MAST1: variants seen among roughly 807,000 people sequenced by gnomAD.
MAST1 encodes microtubule-associated serine/threonine-protein kinase 1.
A neutral mutation model predicts 124.6 loss-of-function variants in MAST1; 40 were observed. The ratio of observed to expected loss-of-function variants is 0.32; its 90% confidence interval spans 0.25 to 0.42. MAST1 has a LOEUF of 0.42. MAST1 is among the 10% of genes least tolerant of loss of function. The probability of loss-of-function intolerance (pLI) is 1.00; values close to 1 mark genes in which losing one functional copy is unlikely to be tolerated. For missense variants in MAST1, 1,558 were observed against 2,181.9 expected (o/e 0.71, Z 5.70); for synonymous variants, 938 against 939.4 (o/e 1.00, Z 0.03).
chr19:12,873,276 G>A (rs956064286), intron 24 of MAST1, 48 bp from the exon 25 acceptor site: 8 of 1,576,168 alleles, frequency 5.1e-6, no homozygotes, highest in South Asian at 2.3e-5. Flanking sequence ...GGAGCCCTGA[G>A]CTCTGGCGTC....
Position 12,838,762 on chromosome 19 carries a change from GC to G in MAST1, c.83+109del. On this transcript the variant is annotated intron_variant, in intron 1 of 25. Coordinates refer to ENST00000251472, the MANE Select transcript of MAST1 (RefSeq NM_014975.3). The surrounding 1 kb of genome is among the most constrained non-coding windows in gnomAD (Gnocchi z 4.3). The stretch of plus-strand genomic sequence containing the variant: ...GGGATGCTGCGCCCGGTCCAGCTGC[GC>G]CAGAGGTGCCCCAGCTGCGCCTTCC... 1.0e-6 allele frequency: 1 copy of G among 988,022 alleles called. No homozygotes were observed. Among genetic ancestry groups the G allele is most frequent in the Non-Finnish European group, 1.4e-6 (1 of 691,938 alleles). 61.2% of individuals were successfully genotyped at this position (988,022 alleles called of 1,614,324 possible).
At chr19:12,868,938 C>T (rs1970198648) in intron 21 of MAST1, 89 bp downstream of exon 21, 1 of 1,539,244 alleles carries the variant, frequency 6.5e-7, no homozygotes, top group South Asian at 1.2e-5. Flanking sequence ...TCCCTGTCCA[C>T]CGTGATTGGC....
intron 22 of MAST1, among the ~76,000 whole-genome samples, chr19:12,870,059 T>C (rs1361858765): frequency 6.7e-6 from 1 of 150,186 alleles, no homozygotes; most frequent in African/African-American, 2.5e-5. Flanking sequence ...TGGGCGCCTG[T>C]AGTCCCAGCT....
rs571718320 is a variant in MAST1 at position 12,853,614 on chromosome 19, T to A, written c.1077+1219T>A. ...CAGGTGCAATGGCTTATGCATGTAA[T>A]CCTAGTACTTTGGGAGGCCAAGATG... On this transcript the variant is annotated intron_variant, in intron 10 of 25. Coordinates refer to ENST00000251472, the MANE Select transcript of MAST1 (RefSeq NM_014975.3). 2.6e-5 allele frequency among the ~76,000 whole-genome samples: 4 copies of A among 151,736 alleles called. No individual in the cohort carries two copies. The South Asian group carries it at 8.3e-4, about 32-fold the overall frequency.
rs377570804 is a variant in MAST1, at chr19:12,843,635, C to T, written c.327+28C>T. On this transcript the variant is annotated intron_variant, in intron 4 of 25. Transcript: ENST00000251472. This position sits in a 1 kb window ranked among gnomAD's most constrained non-coding sequence, Gnocchi z 4.9. The stretch of plus-strand genomic sequence containing the variant: ...GAGTGTGGAAAGTAGGTGGGTGGGC[C>T]GGTGGGTAAGGAATTCAGGGGCCCT... The T allele has an allele frequency of 1.9e-5, 30 of 1,603,544 alleles. 1 individual carries two copies. The highest frequency in any genetic ancestry group is 1.7e-4 in the Middle Eastern group (1 of 6,016).
chr19:12,874,091 G>A lies in MAST1; in HGVS notation c.3934G>A (p.Gly1312Ser), dbSNP rs1182851556. The A allele has an allele frequency of 8.9e-6, 14 of 1,567,822 alleles. No homozygotes were observed. The highest frequency in any genetic ancestry group is 1.1e-5 in the Non-Finnish European group (13 of 1,159,784). ...GCTGCATAGCCTTGCCGAGTCCGAC[G>A]GTGAGACGCCCCCAGTCGAGGGCCT... ...LALHSLAESDGETPPVEGLGA... is the reference protein window; with the variant it reads ...LALHSLAESDSETPPVEGLGA... Residue 1312 changes from glycine (G) to serine (S), a missense_variant, in exon 26 of 26, where the codon GGT (glycine) becomes AGT (serine). Physicochemically the swap from Gly to Ser is moderately conservative, Grantham distance 56. Coordinates refer to ENST00000251472, the MANE Select transcript of MAST1 (RefSeq NM_014975.3). This position sits in a 1 kb window ranked among gnomAD's most constrained non-coding sequence, Gnocchi z 6.6.
chr19:12,867,968 TCCGAG>T lies in MAST1; in HGVS notation c.2558_2562del (p.Ser853CysfsTer3). ...GGAAGGCACCTCCAGCGCCGGGGAC[TCCGAG>T]GCCAGTGAGTGCCCTATCGTGCTGC... On this transcript the variant is annotated frameshift_variant, in exon 20 of 26. Coordinates refer to ENST00000251472, the MANE Select transcript of MAST1 (RefSeq NM_014975.3). LOFTEE classifies it high-confidence loss of function. 1 of 1,549,454 alleles carries T rather than the reference TCCGAG, an allele frequency of 6.5e-7. No homozygotes were observed. The highest frequency in any genetic ancestry group is 8.7e-7 in the Non-Finnish European group (1 of 1,150,808).
intron 10 of MAST1, 127 bp from the exon 11 acceptor site, chr19:12,858,235 T>C: frequency 3.7e-6 from 3 of 818,612 alleles, no homozygotes; most frequent in Non-Finnish European, 6.0e-6. Context: ...ACTTTCTCTT[T>C]CATTATGGCA....
intron 12 of MAST1, among the ~76,000 whole-genome samples, chr19:12,864,500 T>C (rs73925233): frequency 0.046 from 7,022 of 152,158 alleles, 199 homozygotes; most frequent in African/African-American, 0.077. Context: ...CAGATGCAGT[T>C]GATAAGTGGG....
At position 12,841,101 on chromosome 19, in the gene MAST1, G is replaced by C. The variant is rs1456384978; in HGVS notation, c.248+35G>C. ...TCCCCTCCAGGGCCCCAGAACCCTGGGCAGACCCTCCCCAACCACTGTCTG... is the reference window on the plus strand; with the variant it reads ...TCCCCTCCAGGGCCCCAGAACCCTGCGCAGACCCTCCCCAACCACTGTCTG... On this transcript the variant is annotated intron_variant, in intron 3 of 25. Transcript: ENST00000251472. The surrounding 1 kb of genome is among the most constrained non-coding windows in gnomAD (Gnocchi z 4.3). 9.9e-7 allele frequency: 1 copy of C among 1,010,656 alleles called. No homozygotes were observed. The highest frequency in any genetic ancestry group is 2.4e-5 in the East Asian group (1 of 42,200). 62.6% of individuals were successfully genotyped at this position (1,010,656 alleles called of 1,614,324 possible).
chr19:12,860,525 A>G (rs1003188029), intron 12 of MAST1, among the ~76,000 whole-genome samples: 2 of 144,746 alleles, frequency 1.4e-5, no homozygotes, highest in African/African-American at 5.2e-5. Flanking sequence ...GCTCACTGTA[A>G]CCTCCACCTT....
At chr19:12,867,385 T>C in intron 18 of MAST1, 89 bp from the exon 19 acceptor site, 1 of 1,490,050 alleles carries the variant, frequency 6.7e-7, no homozygotes, top group Non-Finnish European at 9.3e-7. Context: ...GTGGAGTGCG[T>C]TTTGCGGGGG....
chr19:12,849,520 C>T (rs913187235), intron 7 of MAST1, among the ~76,000 whole-genome samples: 2 of 151,762 alleles, frequency 1.3e-5, no homozygotes, highest in Non-Finnish European at 2.9e-5. Context: ...AAAAGTTAGC[C>T]GGGCTTGGTG....
rs764332580 is a variant in MAST1, at chr19:12,873,842, T to G, written c.3685T>G (p.Ser1229Ala). 1 of 1,589,204 alleles carries G rather than the reference T, an allele frequency of 6.3e-7. No homozygotes were observed. Among genetic ancestry groups the G allele is most frequent in the Non-Finnish European group, 8.5e-7 (1 of 1,175,010 alleles). Residue 1229 changes from serine (S) to alanine (A), a missense_variant, in exon 26 of 26, where the codon TCG (serine) becomes GCG (alanine). Physicochemically the swap from Ser to Ala is moderately conservative, Grantham distance 99 (BLOSUM62 1). This residue lies in a region of MAST1 where 291 missense variants were observed against 475.8 expected (regional missense o/e 0.61). Coordinates refer to ENST00000251472, the MANE Select transcript of MAST1 (RefSeq NM_014975.3). ...ACTGCCGGGCCACACGGTGGGCAGC[T>G]CGCACACTACTCAGAGCTTCCCGGC... Reference protein sequence around the residue: ...PPLPGHTVGSSHTTQSFPAKL... With the variant: ...PPLPGHTVGSAHTTQSFPAKL...
chr19:12,842,450 G>A (rs991640881), intron 3 of MAST1, among the ~76,000 whole-genome samples: 1 of 151,946 alleles, frequency 6.6e-6, no homozygotes, highest in African/African-American at 2.4e-5. Context: ...CTGCCACCAC[G>A]CCCGGCTAAT....
Position 12,864,824 on chromosome 19 carries a change from C to G in MAST1, c.1382C>G (p.Thr461Ser). ...MEYVEGGDCA[T>S]LLKNIGALPV... ...TGGCCTGCAGGCGGCGACTGTGCCA[C>G]CCTGCTGAAGAATATTGGAGCGCTG... Residue 461 changes from threonine (T) to serine (S), a missense_variant, in exon 13 of 26, where the codon ACC becomes AGC. Transcript: ENST00000251472. 6.2e-7 allele frequency: 1 copy of G among 1,613,934 alleles called. No individual in the cohort carries two copies. The highest frequency in any genetic ancestry group is 8.5e-7 in the Non-Finnish European group (1 of 1,180,028).
chr19:12,870,685 G>T, intron 22 of MAST1, 139 bp from the exon 23 acceptor site: 1 of 929,508 alleles, frequency 1.1e-6, no homozygotes, highest in Non-Finnish European at 1.5e-6. Flanking sequence ...AAAAATGTGG[G>T]GGGAGGAATA....
intron 7 of MAST1, among the ~76,000 whole-genome samples, chr19:12,850,409 A>G (rs1969946832): frequency 6.6e-6 from 1 of 152,190 alleles, no homozygotes; most frequent in Non-Finnish European, 1.5e-5. Context: ...TGAGACCAGG[A>G]CCAGGGTAAA....
In MAST1 at chr19:12,864,762, G is replaced by C. The variant is rs376707729; in HGVS notation, c.1367-47G>C. The C allele has an allele frequency of 3.2e-4, 514 of 1,609,986 alleles. 3 individuals are homozygous for C. The South Asian group carries it at 5.2e-3, about 16-fold the overall frequency. The stretch of plus-strand genomic sequence containing the variant: ...GTTGGTGCTATGGTGCATGTCCAGA[G>C]AGAGGAATGCCTCCCTTTTTATGCG... On this transcript the variant is annotated intron_variant, in intron 12 of 25. Coordinates refer to ENST00000251472, the MANE Select transcript of MAST1 (RefSeq NM_014975.3).
Sources: gnomAD v4.1 joint callset for allele counts (sites outside exome capture counted in the v4.1 genomes callset) on GRCh38, gnomAD v4.1.1 for gene constraint, gnomAD v4.1.1 regional missense constraint, Gnocchi (gnomAD v3.1) non-coding constraint, MANE v1.5 for transcripts, NCBI Gene and HGNC (gene_info 2026-07-23, HGNC 2026-07-21) for gene names.